TRPC4AP: variants seen among roughly 807,000 people sequenced by gnomAD.
The protein encoded by TRPC4AP is transient receptor potential cation channel subfamily C member 4 associated protein.
Under a neutral mutation model 99.0 loss-of-function variants are expected in TRPC4AP, and 45 were observed. That is an observed-to-expected ratio of 0.45 (90% CI 0.36 to 0.58). TRPC4AP has a LOEUF of 0.58. Among genes scored for constraint, TRPC4AP ranks in the 20% least tolerant of loss-of-function variants. The pLI is 0.00. For missense variants in TRPC4AP, 879 were observed against 985.3 expected, an observed-to-expected ratio of 0.89 and a Z score of 1.44; for synonymous variants, 408 against 385.8, an observed-to-expected ratio of 1.06 and a Z score of -0.67.
intron 3 of TRPC4AP, among the ~76,000 whole-genome samples, chr20:35,058,733 A>G (rs1466158544): frequency 8.5e-6 from 1 of 118,332 alleles, no homozygotes; most frequent in African/African-American, 3.3e-5. Flanking sequence ...TTTGTCTCCC[A>G]GGCTGGAGTG....
intron 10 of TRPC4AP, 30 bp downstream of exon 10, chr20:35,015,978 C>G: frequency 6.2e-7 from 1 of 1,613,654 alleles, no homozygotes. Flanking sequence ...CCAGTGAGGC[C>G]CCATCTGTCC....
intron 7 of TRPC4AP, among the ~76,000 whole-genome samples, chr20:35,036,124 A>C (rs2083311239): frequency 6.6e-6 from 1 of 152,240 alleles, no homozygotes; most frequent in Non-Finnish European, 1.5e-5. Context: ...TGAGGTGGAA[A>C]TTCTGATCGG....
intron 5 of TRPC4AP, among the ~76,000 whole-genome samples, chr20:35,052,967 T>C (rs2083739422): frequency 6.6e-6 from 1 of 152,288 alleles, no homozygotes; most frequent in Non-Finnish European, 1.5e-5. Flanking sequence ...CCAGGTTCTC[T>C]ACATTAACAT....
In TRPC4AP at chr20:35,007,590, T is replaced by C. The variant is rs1010152410; in HGVS notation, c.1646A>G (p.Tyr549Cys). 3.7e-6 allele frequency: 6 copies of C among 1,614,054 alleles called. No homozygotes were observed. The highest frequency in any genetic ancestry group is 5.1e-6 in the Non-Finnish European group (6 of 1,180,028). The change falls in exon 14 of 19, where the codon TAT becomes TGT. Residue 549 changes from tyrosine to cysteine, a missense_variant. Tyr to Cys is a radical substitution (Grantham distance 194, BLOSUM62 -2). This residue lies in a region of TRPC4AP where 52 missense variants were observed against 88.7 expected (regional missense o/e 0.59). Coordinates refer to ENST00000252015, the MANE Select transcript of TRPC4AP (RefSeq NM_015638.3). ...VESFLRGTTSYADQMFLLKRG... is the reference protein window; with the variant it reads ...VESFLRGTTSCADQMFLLKRG... ...CTTCAGCAGGAACATCTGGTCTGCA[T>C]AGGAGGTGGTCCCTCGGAGGAAACT...
At position 35,086,517 on chromosome 20, in the gene TRPC4AP, GTGTA is replaced by G. The variant is rs1405440269; in HGVS notation, c.168+6093_168+6096del. ...TATATGTGTATATATATGTGTGTGTGTGTATATATGTGTGTGTGTGTGTGTGTGT... is the reference window on the plus strand; with the variant it reads ...TATATGTGTATATATATGTGTGTGTGTATATGTGTGTGTGTGTGTGTGTGT... On this transcript the variant is annotated intron_variant, in intron 1 of 18. Coordinates refer to ENST00000252015, the MANE Select transcript of TRPC4AP (RefSeq NM_015638.3). 7.2e-3 allele frequency among the ~76,000 whole-genome samples: 265 copies of G among 36,714 alleles called. 20 individuals are homozygous for G. Among genetic ancestry groups the G allele is most frequent in the African/African-American group, 0.016 (216 of 13,438 alleles). The allele number at this position is 36,714 out of a possible 152,430, so 24.1% of individuals were successfully genotyped here.
intron 3 of TRPC4AP, among the ~76,000 whole-genome samples, chr20:35,068,115 C>T (rs765824679): frequency 2.0e-5 from 3 of 152,040 alleles, no homozygotes; most frequent in Non-Finnish European, 1.5e-5. Flanking sequence ...TGGAAGGGGG[C>T]TTCTGGGTAC....
At chr20:35,083,307 A>G (rs1448590616) in intron 1 of TRPC4AP, among the ~76,000 whole-genome samples, 1 of 152,132 alleles carries the variant, frequency 6.6e-6, no homozygotes, top group African/African-American at 2.4e-5. Context: ...AGAAAACTGT[A>G]ACACACTCTT....
Position 35,035,462 on chromosome 20 carries a change from T to C in TRPC4AP, c.866-154A>G, listed in dbSNP as rs1297880934. The stretch of plus-strand genomic sequence containing the variant: ...AAAATGAATGTCAAACCAAGGTAAA[T>C]AGTAATTATGTTACAGGCATAAGCT... On this transcript the variant is annotated intron_variant, in intron 7 of 18. Coordinates refer to ENST00000252015, the MANE Select transcript of TRPC4AP (RefSeq NM_015638.3). Among the ~76,000 whole-genome samples the C allele has an allele frequency of 2.0e-5, 3 of 152,310 alleles. No homozygotes were observed. The East Asian group carries it at 5.8e-4, about 29-fold the overall frequency.
At chr20:35,038,094 A>T (rs1345072492) in intron 7 of TRPC4AP, among the ~76,000 whole-genome samples, 1 of 150,432 alleles carries the variant, frequency 6.6e-6, no homozygotes, top group East Asian at 1.9e-4. Context: ...GAAGCTGCTT[A>T]ATGTGTACGG....
intron 8 of TRPC4AP, among the ~76,000 whole-genome samples, chr20:35,022,164 TCTTTA>T (rs1428744145): frequency 6.6e-5 from 10 of 152,276 alleles, no homozygotes; most frequent in Middle Eastern, 3.4e-3. Context: ...CTAGATCCTT[TCTTTA>T]CTTATTTACA....
intron 8 of TRPC4AP, among the ~76,000 whole-genome samples, chr20:35,033,295 G>A (rs1281359896): frequency 6.6e-6 from 1 of 152,188 alleles, no homozygotes; most frequent in African/African-American, 2.4e-5. Context: ...TTAGTGACTT[G>A]GTTAGACTAT....
At chr20:35,029,785 G>GCCACCAC (rs1306434554) in intron 8 of TRPC4AP, among the ~76,000 whole-genome samples, 3 of 148,882 alleles carry the variant, frequency 2.0e-5, no homozygotes, top group Non-Finnish European at 4.5e-5. Context: ...ACAGGCGCCC[G>GCCACCAC]CCACCACGCC....
chr20:35,083,683 C>A, intron 1 of TRPC4AP, among the ~76,000 whole-genome samples: 1 of 148,732 alleles, frequency 6.7e-6, no homozygotes, highest in Non-Finnish European at 1.5e-5. Context: ...ATATATGTGT[C>A]AGAATAAGAC....
At chr20:35,059,888 G>A (rs937181212) in intron 3 of TRPC4AP, among the ~76,000 whole-genome samples, 2 of 143,160 alleles carry the variant, frequency 1.4e-5, no homozygotes, top group African/African-American at 5.2e-5. Flanking sequence ...CGAAGACAAA[G>A]ATGAAGATGA....
At chr20:35,089,135 T>C (rs2084968337) in intron 1 of TRPC4AP, among the ~76,000 whole-genome samples, 1 of 151,778 alleles carries the variant, frequency 6.6e-6, no homozygotes, top group East Asian at 1.9e-4. Context: ...TCCCAAAGTG[T>C]TGGGATTACA....
intron 3 of TRPC4AP, among the ~76,000 whole-genome samples, chr20:35,059,754 AGAC>A (rs1219619348): frequency 2.7e-5 from 4 of 147,178 alleles, no homozygotes; most frequent in African/African-American, 5.2e-5. Flanking sequence ...AAGAAGAAGA[AGAC>A]GAAGAAGACG....
chr20:35,052,358 T>A (rs1004702429), intron 5 of TRPC4AP, among the ~76,000 whole-genome samples: 10 of 151,966 alleles, frequency 6.6e-5, no homozygotes, highest in Admixed American at 1.3e-4. Context: ...CCTATCAAAG[T>A]GTTGAGATTA....
At chr20:35,043,723 G>T (rs1265960677) in intron 7 of TRPC4AP, among the ~76,000 whole-genome samples, 2 of 152,114 alleles carry the variant, frequency 1.3e-5, no homozygotes, top group East Asian at 1.9e-4. Context: ...AATAACTAAT[G>T]ATAAAATAGA....
In TRPC4AP at chr20:35,048,210, CTGTTT is replaced by C. The variant is rs1358454930; in HGVS notation, c.657+1651_657+1655del. ...TTTTTCATGCTGATTTGTAAGAATT[CTGTTT>C]TTTTTTTTTTTTTTGAGAGGGAGTC... On this transcript the variant is annotated intron_variant, in intron 6 of 18. Transcript: ENST00000252015. 1.4e-4 allele frequency among the ~76,000 whole-genome samples: 13 copies of C among 91,420 alleles called. No individual in the cohort carries two copies. The Middle Eastern group carries it at 0.025, about 179-fold the overall frequency. 60.0% of individuals were successfully genotyped at this position (91,420 alleles called of 152,430 possible).
Sources: gnomAD v4.1 joint callset for allele counts (sites outside exome capture counted in the v4.1 genomes callset) on GRCh38, gnomAD v4.1.1 for gene constraint, gnomAD v4.1.1 regional missense constraint, MANE v1.5 for transcripts, NCBI Gene and HGNC (gene_info 2026-07-23, HGNC 2026-07-21) for gene names.